The following TMEM117 variants were observed in gnomAD, a reference collection of about 807,000 sequenced individuals.
The protein encoded by TMEM117 is transmembrane protein 117.
TMEM117 carries 27 observed loss-of-function variants against 52.4 expected under a neutral mutation model. The ratio of observed to expected loss-of-function variants is 0.51; its 90% CI spans 0.38 to 0.71. TMEM117 has a LOEUF of 0.71. Ranked by LOEUF, TMEM117 falls within the 30% of genes least tolerant of loss-of-function variation. The pLI is 0.00. For synonymous variants in TMEM117, 215 were observed against 206.3 expected, an observed-to-expected ratio of 1.04 and a Z score of -0.36; for missense variants, 556 against 630.5, an observed-to-expected ratio of 0.88 and a Z score of 1.26.
At chr12:44,346,188 T>C (rs1220060250) in intron 6 of TMEM117, among the ~76,000 whole-genome samples, 1 of 152,174 alleles carries the variant, frequency 6.6e-6, no homozygotes, top group Non-Finnish European at 1.5e-5. Flanking sequence ...TATCCACTGC[T>C]TTCCTTTAAT....
chr12:43,944,579 G>C (rs1023149331), intron 3 of TMEM117, among the ~76,000 whole-genome samples: 1 of 152,044 alleles, frequency 6.6e-6, no homozygotes, highest in African/African-American at 2.4e-5. Flanking sequence ...TTTTATATAG[G>C]GTGGTGGGAG....
At chr12:44,347,984 A>G (rs17094494) in intron 6 of TMEM117, among the ~76,000 whole-genome samples, 2 of 152,002 alleles carry the variant, frequency 1.3e-5, no homozygotes, top group Non-Finnish European at 2.9e-5. Flanking sequence ...TGTGCTGAAG[A>G]GGGTTAATCA....
intron 3 of TMEM117, among the ~76,000 whole-genome samples, chr12:44,087,454 A>G (rs1947590086): frequency 6.6e-6 from 1 of 151,700 alleles, no homozygotes; most frequent in African/African-American, 2.4e-5. Context: ...GTATGTATGT[A>G]TGTATGTATG....
At chr12:43,942,630 T>A (rs761938528) in intron 2 of TMEM117, among the ~76,000 whole-genome samples, 3 of 152,148 alleles carry the variant, frequency 2.0e-5, no homozygotes, top group Non-Finnish European at 4.4e-5. Context: ...CTTTTTTTTT[T>A]ACTCTTCATC....
chr12:44,105,922 G>T (rs1449089155), intron 3 of TMEM117, among the ~76,000 whole-genome samples: 1 of 152,068 alleles, frequency 6.6e-6, no homozygotes, highest in Non-Finnish European at 1.5e-5. Flanking sequence ...GAACCTGGTA[G>T]AGTTCCAGGA....
intron 6 of TMEM117, among the ~76,000 whole-genome samples, chr12:44,371,223 A>G (rs1049060943): frequency 6.6e-6 from 1 of 152,184 alleles, no homozygotes; most frequent in Non-Finnish European, 1.5e-5. Context: ...AAGCTGGGGA[A>G]GTTTTTGGTA....
chr12:43,942,543 A>G (rs183018636), intron 2 of TMEM117, among the ~76,000 whole-genome samples: 2 of 151,486 alleles, frequency 1.3e-5, no homozygotes, highest in Non-Finnish European at 2.9e-5. Flanking sequence ...ATTCTCCCTG[A>G]CTTTCAGTTT....
intron 3 of TMEM117, among the ~76,000 whole-genome samples, chr12:44,055,770 C>T (rs1295231082): frequency 6.6e-6 from 1 of 152,146 alleles, no homozygotes; most frequent in Non-Finnish European, 1.5e-5. Flanking sequence ...TACACAGTCT[C>T]TTTAAGTAAA....
intron 2 of TMEM117, among the ~76,000 whole-genome samples, chr12:43,927,993 A>G (rs1429672754): frequency 6.6e-6 from 1 of 150,540 alleles, no homozygotes; most frequent in Non-Finnish European, 1.5e-5. Flanking sequence ...TTTTTTTTGC[A>G]CAGAGTGAAT....
chr12:44,251,562 C>T (rs1363879596), intron 5 of TMEM117, among the ~76,000 whole-genome samples: 1 of 152,108 alleles, frequency 6.6e-6, no homozygotes, highest in Non-Finnish European at 1.5e-5. Flanking sequence ...ACTAAGGACA[C>T]ATTTTACAGC....
intron 5 of TMEM117, among the ~76,000 whole-genome samples, chr12:44,262,534 T>G (rs2138543480): frequency 6.6e-6 from 1 of 152,330 alleles, no homozygotes; most frequent in East Asian, 1.9e-4. Flanking sequence ...CATACTAAGA[T>G]AGCCACCAGA....
upstream of TMEM117, among the ~76,000 whole-genome samples, chr12:43,831,456 T>A (rs1942981661): frequency 6.6e-6 from 1 of 152,176 alleles, no homozygotes; most frequent in Admixed American, 6.5e-5. Flanking sequence ...TTTTTCTTTT[T>A]TTTTTTTAAT....
chr12:43,993,699 T>C (rs1396306985), intron 3 of TMEM117, among the ~76,000 whole-genome samples: 1 of 152,140 alleles, frequency 6.6e-6, no homozygotes, highest in Non-Finnish European at 1.5e-5. Context: ...TTTGTCTCTT[T>C]TTTCTATTTT....
chr12:44,173,792 A>G (rs1018041195), intron 4 of TMEM117, among the ~76,000 whole-genome samples: 1 of 152,048 alleles, frequency 6.6e-6, no homozygotes, highest in Non-Finnish European at 1.5e-5. Context: ...AATTTTAATA[A>G]TAGAAGTTTA....
intron 3 of TMEM117, among the ~76,000 whole-genome samples, chr12:44,060,160 G>C (rs553832618): frequency 1.1e-4 from 16 of 152,166 alleles, no homozygotes; most frequent in Non-Finnish European, 2.2e-4. Context: ...CTAGCCCAGT[G>C]ACTAGGATAC....
At chr12:44,236,780 G>A (rs1474695368) in intron 5 of TMEM117, among the ~76,000 whole-genome samples, 1 of 152,020 alleles carries the variant, frequency 6.6e-6, no homozygotes, top group Non-Finnish European at 1.5e-5. Flanking sequence ...AGATGCTACA[G>A]ATTTTCGTCA....
chr12:44,377,067 G>A (rs1951952333), intron 7 of TMEM117, among the ~76,000 whole-genome samples: 1 of 152,158 alleles, frequency 6.6e-6, no homozygotes, highest in South Asian at 2.1e-4. Context: ...ATGATAACTG[G>A]TACATAGCCC....
intron 3 of TMEM117, among the ~76,000 whole-genome samples, chr12:44,070,023 G>T (rs1318056640): frequency 2.0e-5 from 3 of 152,110 alleles, no homozygotes; most frequent in Non-Finnish European, 2.9e-5. Context: ...CTGAGTAGCT[G>T]GGACTACAGG....
At chr12:44,368,257 CA>C (rs1951817078) in intron 6 of TMEM117, among the ~76,000 whole-genome samples, 1 of 152,140 alleles carries the variant, frequency 6.6e-6, no homozygotes. Context: ...TTATTTGCTT[CA>C]GAGCACTTAT....
Sources: gnomAD v4.1 joint callset for allele counts (sites outside exome capture counted in the v4.1 genomes callset) on GRCh38, gnomAD v4.1.1 for gene constraint, MANE v1.5 for transcripts, NCBI Gene and HGNC (gene_info 2026-07-23, HGNC 2026-07-21) for gene names.